ERBIN: variants seen among roughly 807,000 people sequenced by gnomAD.
The protein encoded by ERBIN is erbb2 interacting protein, also known as densin-180-like protein.
A neutral mutation model predicts 158.4 loss-of-function variants in ERBIN; 60 were observed. That is an observed-to-expected ratio of 0.38 (90% CI 0.31 to 0.47). The LOEUF (loss-of-function observed/expected upper bound fraction) is 0.47. Ranked by LOEUF, ERBIN falls within the 20% of genes least tolerant of loss-of-function variation. The pLI is 0.99. For missense variants in ERBIN, 1,610 were observed against 1,648.0 expected, an observed-to-expected ratio of 0.98 and a Z score of 0.40; for synonymous variants, 594 against 557.2, an observed-to-expected ratio of 1.07 and a Z score of -0.93.
intron 8 of ERBIN, 38 bp downstream of exon 8, chr5:66,021,423 T>A (rs751541614): frequency 1.5e-6 from 2 of 1,359,508 alleles, no homozygotes; most frequent in Non-Finnish European, 1.0e-6. Context: ...TAAGTTCTTA[T>A]ATTTAATGAA....
rs888379152 is a variant in ERBIN, at chr5:65,983,218, A to G, written c.-57-5417A>G. Reference sequence around the variant, plus strand: ...ATAATACCCAGCTTTCTTCTTGATCAGAATTAGGCTGATGGGACCAGACAT... The same window carrying G: ...ATAATACCCAGCTTTCTTCTTGATCGGAATTAGGCTGATGGGACCAGACAT... On this transcript the variant is annotated intron_variant, in intron 1 of 25. Transcript: ENST00000284037. Among the ~76,000 whole-genome samples the G allele has an allele frequency of 2.6e-5, 4 of 152,338 alleles. No homozygotes were observed. The East Asian group carries it at 5.8e-4, about 22-fold the overall frequency.
intron 4 of ERBIN, among the ~76,000 whole-genome samples, chr5:66,005,638 A>T (rs907035794): frequency 6.6e-6 from 1 of 152,210 alleles, no homozygotes; most frequent in Admixed American, 6.5e-5. Flanking sequence ...ATGATTGTAT[A>T]TCTGGAAGAC....
intron 21 of ERBIN, among the ~76,000 whole-genome samples, chr5:66,068,656 AAC>A: frequency 6.6e-6 from 1 of 152,288 alleles, no homozygotes; most frequent in East Asian, 1.9e-4. Context: ...CCTTTGCTTA[AAC>A]ATGTGAATGG....
At chr5:65,974,502 G>A (rs939959592) in intron 1 of ERBIN, among the ~76,000 whole-genome samples, 3 of 152,170 alleles carry the variant, frequency 2.0e-5, no homozygotes, top group Non-Finnish European at 4.4e-5. Context: ...ATGCTTCTTG[G>A]GAGGTTTAAG....
In ERBIN at chr5:66,076,956, A is replaced by G. The variant is rs1561463606; in HGVS notation, c.4131+7A>G. ...AGGTGATAAAATTATTCAGGTAATTAAAATAAATCTTTTTTTTTTTCATTT... is the reference window on the plus strand; with the variant it reads ...AGGTGATAAAATTATTCAGGTAATTGAAATAAATCTTTTTTTTTTTCATTT... On this transcript the variant is annotated splice_region_variant and intron_variant, in intron 25 of 25. Coordinates refer to ENST00000284037, the MANE Select transcript of ERBIN (RefSeq NM_001253697.2). The G allele has an allele frequency of 1.3e-6, 2 of 1,567,700 alleles. No individual in the cohort carries two copies. The highest frequency in any genetic ancestry group is 3.5e-5 in the Admixed American group (2 of 57,636).
At position 66,018,892 on chromosome 5, in the gene ERBIN, C is replaced by T. The variant is rs142937359; in HGVS notation, c.534-2430C>T. Among the ~76,000 whole-genome samples the T allele has an allele frequency of 7.3e-3, 1,116 of 151,852 alleles. 20 individuals carry two copies. Among genetic ancestry groups the T allele is most frequent in the African/African-American group, 0.026 (1,067 of 41,430 alleles). ...CCTCATGATGCGCCTGCCTTGGCCT[C>T]CCAAAGTGCTGGGATTACAGGCGTG... On this transcript the variant is annotated intron_variant, in intron 7 of 25. Coordinates refer to ENST00000284037, the MANE Select transcript of ERBIN (RefSeq NM_001253697.2).
At chr5:65,965,182 C>G (rs1748424173) in intron 1 of ERBIN, among the ~76,000 whole-genome samples, 1 of 151,364 alleles carries the variant, frequency 6.6e-6, no homozygotes, top group East Asian at 1.9e-4. Context: ...AAAATGTAAA[C>G]TGCTTATTAT....
At chr5:65,982,768 T>G (rs1040629895) in intron 1 of ERBIN, among the ~76,000 whole-genome samples, 1 of 152,254 alleles carries the variant, frequency 6.6e-6, no homozygotes, top group African/African-American at 2.4e-5. Flanking sequence ...ACAATAGTTT[T>G]GAGTAGAATT....
chr5:65,982,108 T>C (rs1164594500), intron 1 of ERBIN, among the ~76,000 whole-genome samples: 1 of 152,174 alleles, frequency 6.6e-6, no homozygotes, highest in Admixed American at 6.5e-5. Flanking sequence ...CAAAGAGAGA[T>C]TATTACCACA....
chr5:66,034,142 G>A (rs936376318), intron 14 of ERBIN, among the ~76,000 whole-genome samples: 1 of 150,554 alleles, frequency 6.6e-6, no homozygotes, highest in Non-Finnish European at 1.5e-5. Context: ...AATATGAGAA[G>A]CAGTTGGATA....
chr5:66,071,581 A>G (rs1187027205), intron 21 of ERBIN, among the ~76,000 whole-genome samples: 2 of 152,142 alleles, frequency 1.3e-5, no homozygotes, highest in African/African-American at 2.4e-5. Flanking sequence ...GCTAAAGCAA[A>G]TTTTATATTC....
chr5:66,003,148 A>G (rs536093955), intron 4 of ERBIN, among the ~76,000 whole-genome samples: 2 of 152,298 alleles, frequency 1.3e-5, no homozygotes, highest in African/African-American at 4.8e-5. Flanking sequence ...CGAATGTTTT[A>G]TTCTGTAGTA....
chr5:66,007,636 C>G (rs1372168807), intron 4 of ERBIN, among the ~76,000 whole-genome samples: 4 of 151,858 alleles, frequency 2.6e-5, no homozygotes, highest in African/African-American at 9.7e-5. Context: ...AGAAGGAACA[C>G]TACTAATGGG....
Position 66,013,658 on chromosome 5 carries a change from A to G in ERBIN, c.476+20A>G. ...TGGCAGGTAAATTATGGTTTCTTCT[A>G]AAACGTTTTATTATTAGCTCTTATA... On this transcript the variant is annotated intron_variant, in intron 6 of 25. Transcript: ENST00000284037. 4.6e-6 allele frequency: 7 copies of G among 1,525,166 alleles called. No individual in the cohort carries two copies. The highest frequency in any genetic ancestry group is 6.4e-6 in the Non-Finnish European group (7 of 1,099,618). 94.5% of individuals were successfully genotyped at this position (1,525,166 alleles called of 1,614,324 possible).
At position 66,046,329 on chromosome 5, in the gene ERBIN, CTCTTTA is replaced by C. The variant is rs1464760558; in HGVS notation, c.1603-18_1603-13del. On this transcript the variant is annotated intron_variant, in intron 17 of 25. Coordinates refer to ENST00000284037, the MANE Select transcript of ERBIN (RefSeq NM_001253697.2). Reference sequence around the variant, plus strand: ...AGATATAAAACTTAAAGAATATGAGCTCTTTATCTTTTCTTTTACTTAGACCTCAGA... The same window carrying C: ...AGATATAAAACTTAAAGAATATGAGCTCTTTTCTTTTACTTAGACCTCAGA... 7.4e-7 allele frequency: 1 copy of C among 1,347,214 alleles called. No individual in the cohort carries two copies. The highest frequency in any genetic ancestry group is 1.0e-6 in the Non-Finnish European group (1 of 992,046). 83.5% of individuals were successfully genotyped at this position (1,347,214 alleles called of 1,614,324 possible).
chr5:65,978,034 C>T (rs1750224376), intron 1 of ERBIN, among the ~76,000 whole-genome samples: 1 of 151,908 alleles, frequency 6.6e-6, no homozygotes, highest in South Asian at 2.1e-4. Flanking sequence ...ATTTAATTTC[C>T]CTGTCATATT....
intron 1 of ERBIN, among the ~76,000 whole-genome samples, chr5:65,948,239 TG>T (rs1273473739): frequency 6.6e-6 from 1 of 151,948 alleles, no homozygotes; most frequent in African/African-American, 2.4e-5. Context: ...TGGAGTGCAG[TG>T]GGTTGATCAC....
intron 23 of ERBIN, among the ~76,000 whole-genome samples, chr5:66,075,778 A>G (rs558182014): frequency 7.2e-5 from 11 of 152,086 alleles, no homozygotes; most frequent in South Asian, 4.2e-4. Context: ...TAATTCTTGC[A>G]TCTTTTTTTT....
In ERBIN at chr5:66,054,430, G is replaced by A. The variant is rs1204365563; in HGVS notation, c.3112G>A (p.Ala1038Thr). ...MNFSNHNNVR[A>T]NTAYHLHQRL... Reference sequence around the variant, plus strand: ...TTTCTCTAATCATAACAATGTTCGAGCTAATACTGCATACCATTTACATCA... The same window carrying A: ...TTTCTCTAATCATAACAATGTTCGAACTAATACTGCATACCATTTACATCA... Residue 1038 changes from alanine to threonine, a missense_variant, in exon 21 of 26, where the codon GCT (alanine) becomes ACT (threonine). Around this residue, in one of 2 missense-constraint regions of ERBIN, gnomAD observed 1,014 missense variants for 936.1 expected, o/e 1.08. Coordinates refer to ENST00000284037, the MANE Select transcript of ERBIN (RefSeq NM_001253697.2). 6.2e-7 allele frequency: 1 copy of A among 1,614,128 alleles called. No homozygotes were observed. Among genetic ancestry groups the A allele is most frequent in the South Asian group, 1.1e-5 (1 of 91,086 alleles).
Sources: allele counts gnomAD v4.1 joint callset (sites outside exome capture counted in the v4.1 genomes callset), GRCh38; gene constraint gnomAD v4.1.1; regional missense constraint gnomAD v4.1.1; transcripts MANE v1.5; gene names NCBI Gene and HGNC (gene_info 2026-07-23, HGNC 2026-07-21).